TECPR2: variants seen among roughly 807,000 people sequenced by gnomAD.
TECPR2 encodes the protein tectonin beta-propeller repeat-containing protein 2.
Under a neutral mutation model 138.1 loss-of-function variants are expected in TECPR2, and 65 were observed. That is an observed-to-expected ratio of 0.47 (90% confidence interval 0.39 to 0.58). The LOEUF (loss-of-function observed/expected upper bound fraction) is 0.58. TECPR2 is among the 20% of genes least tolerant of loss of function. The probability of loss-of-function intolerance (pLI) is 0.00; values close to 1 mark genes in which losing one functional copy is unlikely to be tolerated. For missense variants in TECPR2, 1,553 were observed against 1,824.5 expected, an observed-to-expected ratio of 0.85 and a Z score of 2.71; for synonymous variants, 746 against 749.8, an observed-to-expected ratio of 0.99 and a Z score of 0.08.
In TECPR2 at chr14:102,498,710, G is replaced by A. The variant is rs3742437; in HGVS notation, c.*453G>A. 0.3 allele frequency: 128,104 copies of A among 424,822 alleles called. 21,681 individuals carry two copies. The highest frequency in any genetic ancestry group is 0.5 in the East Asian group (8,852 of 17,696). The allele number at this position is 424,822 out of a possible 1,614,324, so 26.3% of individuals were successfully genotyped here. ...GCTCTCTGCAGCGCGGGATGTGCTC[G>A]GTGATGGCTTTGTCCCATCATAGGG... On this transcript the variant is annotated 3_prime_UTR_variant, in exon 20 of 20. Transcript: ENST00000359520.
chr14:102,453,269 A>G (rs1340815038), intron 16 of TECPR2, among the ~76,000 whole-genome samples: 1 of 152,182 alleles, frequency 6.6e-6, no homozygotes, highest in Non-Finnish European at 1.5e-5. Context: ...TGAGATCAAG[A>G]GTTCGAGACC....
At chr14:102,484,491 C>G (rs1015238409) in intron 17 of TECPR2, among the ~76,000 whole-genome samples, 3 of 152,142 alleles carry the variant, frequency 2.0e-5, no homozygotes, top group African/African-American at 7.2e-5. Context: ...ATGCATGGAG[C>G]CTGTGGGCCC....
chr14:102,482,460 G>T (rs1890912513), intron 17 of TECPR2, among the ~76,000 whole-genome samples: 2 of 152,206 alleles, frequency 1.3e-5, no homozygotes, highest in Non-Finnish European at 2.9e-5. Context: ...TCCCCCTGCA[G>T]AGATCTCTCC....
At chr14:102,413,524 A>G (rs1888940880) in intron 4 of TECPR2, among the ~76,000 whole-genome samples, 1 of 151,858 alleles carries the variant, frequency 6.6e-6, no homozygotes, top group Non-Finnish European at 1.5e-5. Context: ...GATTACAGGC[A>G]TGTGCCACCT....
At chr14:102,441,657 T>C (rs1304765537) in intron 11 of TECPR2, among the ~76,000 whole-genome samples, 2 of 151,974 alleles carry the variant, frequency 1.3e-5, no homozygotes, top group East Asian at 3.9e-4. Flanking sequence ...GCCACTGCAC[T>C]CTCCAGCCTG....
At chr14:102,414,996 G>C (rs985597559) in intron 5 of TECPR2, among the ~76,000 whole-genome samples, 5 of 152,134 alleles carry the variant, frequency 3.3e-5, no homozygotes, top group Non-Finnish European at 5.9e-5. Flanking sequence ...TGTTCTTCTT[G>C]TCGCAGAGCT....
At chr14:102,431,273 T>C (rs918515516) in intron 7 of TECPR2, among the ~76,000 whole-genome samples, 3 of 151,588 alleles carry the variant, frequency 2.0e-5, no homozygotes, top group African/African-American at 7.3e-5. Flanking sequence ...GATTTTAATA[T>C]ATGAGCTTCT....
intron 15 of TECPR2, 31 bp downstream of exon 15, chr14:102,450,680 T>A: frequency 6.2e-7 from 1 of 1,606,218 alleles, no homozygotes; most frequent in Non-Finnish European, 8.5e-7. Context: ...CTGAAGAATC[T>A]AGAGCACAGC....
intron 9 of TECPR2, 72 bp downstream of exon 9, chr14:102,435,283 TATTTTCCTTCTCATGGAAAGAA>T: frequency 1.3e-6 from 2 of 1,498,198 alleles, no homozygotes; most frequent in Non-Finnish European, 1.8e-6. Context: ...CAAGACTGAT[TATTTTCCTTCTCATGGAAAGAA>T]ATTCTATTCC....
At chr14:102,456,218 G>T (rs1890273921) in intron 16 of TECPR2, among the ~76,000 whole-genome samples, 1 of 152,178 alleles carries the variant, frequency 6.6e-6, no homozygotes, top group Admixed American at 6.5e-5. Context: ...GTTAGCTGCT[G>T]GTGGTGGGGC....
chr14:102,431,496 C>T (rs1436153748), intron 7 of TECPR2, among the ~76,000 whole-genome samples: 4 of 152,028 alleles, frequency 2.6e-5, no homozygotes, highest in Non-Finnish European at 4.4e-5. Context: ...GCGCCCGCCA[C>T]CATGCCCGGC....
In TECPR2 at chr14:102,415,130, G is replaced by A. The variant is rs1245697211; in HGVS notation, c.638+337G>A. On this transcript the variant is annotated intron_variant, in intron 5 of 19. Coordinates refer to ENST00000359520, the MANE Select transcript of TECPR2 (RefSeq NM_014844.5). This position sits in a 1 kb window ranked among gnomAD's most constrained non-coding sequence, Gnocchi z 4.3. ...CACCTCCTCCACACAGCCCTGGTGA[G>A]GGGTCAGGGTTGTGGGGCTCACTCG... 2.0e-5 allele frequency among the ~76,000 whole-genome samples: 3 copies of A among 152,228 alleles called. No individual in the cohort carries two copies. The highest frequency in any genetic ancestry group is 1.3e-4 in the Admixed American group (2 of 15,284).
At chr14:102,472,221 A>G (rs1266203639) in intron 17 of TECPR2, among the ~76,000 whole-genome samples, 8 of 152,106 alleles carry the variant, frequency 5.3e-5, no homozygotes, top group Non-Finnish European at 8.8e-5. Context: ...TGCTGTGTGC[A>G]CCTCTCTGCA....
chr14:102,433,730 C>G (rs771694627), intron 8 of TECPR2, among the ~76,000 whole-genome samples: 5 of 152,066 alleles, frequency 3.3e-5, no homozygotes, highest in Admixed American at 1.3e-4. Context: ...CCATGTTGGA[C>G]AGGCTGGTCT....
chr14:102,493,081 C>T (rs941322168), intron 17 of TECPR2, among the ~76,000 whole-genome samples: 34 of 152,372 alleles, frequency 2.2e-4, no homozygotes, highest in Middle Eastern at 6.8e-3. Flanking sequence ...CTCAGAGACT[C>T]CACTTTGGTC....
chr14:102,414,999 G>A (rs912728226), intron 5 of TECPR2, among the ~76,000 whole-genome samples: 6 of 152,100 alleles, frequency 3.9e-5, no homozygotes, highest in East Asian at 1.9e-4. Flanking sequence ...TCTTCTTGTC[G>A]CAGAGCTGTA....
rs1797562076 is a variant in TECPR2 at position 102,498,538 on chromosome 14, C to G, written c.*281C>G. ...ACTCCGATTACCCACGTGCTGCCGT[C>G]CTGGTCTCATCCACAGATAGCTCCA... On this transcript the variant is annotated 3_prime_UTR_variant, in exon 20 of 20. Transcript: ENST00000359520. 1 of 513,876 alleles carries G rather than the reference C, an allele frequency of 1.9e-6. No homozygotes were observed. Among genetic ancestry groups the G allele is most frequent in the Admixed American group, 3.3e-5 (1 of 30,712 alleles). The allele number at this position is 513,876 out of a possible 1,614,324, so 31.8% of individuals were successfully genotyped here. A position where few individuals can be genotyped will look rare whatever the true frequency, so the allele number is the denominator to read the frequency against.
chr14:102,432,896 C>T (rs1291026579), intron 8 of TECPR2, among the ~76,000 whole-genome samples: 3 of 149,890 alleles, frequency 2.0e-5, no homozygotes, highest in Non-Finnish European at 3.0e-5. Context: ...CTCAGTCACT[C>T]GGGAGGCTGA....
At chr14:102,382,258 A>T (rs1477419881) in intron 2 of TECPR2, among the ~76,000 whole-genome samples, 1 of 151,540 alleles carries the variant, frequency 6.6e-6, no homozygotes, top group African/African-American at 2.4e-5. Context: ...GCGCCATTGC[A>T]CTCCAGCCTG....
Sources: gnomAD v4.1 joint callset for allele counts (sites outside exome capture counted in the v4.1 genomes callset) on GRCh38, gnomAD v4.1.1 for gene constraint, Gnocchi (gnomAD v3.1) non-coding constraint, MANE v1.5 for transcripts, NCBI Gene and HGNC (gene_info 2026-07-23, HGNC 2026-07-21) for gene names.